CAMKMT: variants seen among roughly 807,000 people sequenced by gnomAD.
CAMKMT encodes CaM KMT.
A neutral mutation model predicts 48.0 loss-of-function variants in CAMKMT; 53 were observed. The ratio of observed to expected loss-of-function variants is 1.10; its 90% CI spans 0.89 to 1.39. The LOEUF is 1.39. Ranked by LOEUF, CAMKMT falls within the 40% of genes most tolerant of loss-of-function variation. The pLI, the probability that CAMKMT is intolerant of heterozygous loss-of-function variation, is 0.00. For missense variants in CAMKMT, 428 were observed against 402.7 expected (o/e 1.06, Z -0.54); for synonymous variants, 165 against 152.3 (o/e 1.08, Z -0.61).
At position 44,390,528 on chromosome 2, in the gene CAMKMT, T is replaced by G. The variant is rs533065957; in HGVS notation, c.376+223T>G. ...TCTAAACTTCGCAGGTGTGTGTGTG[T>G]GGGGGGGAGGTGGGGGAGGGAGAGA... On this transcript the variant is annotated intron_variant, in intron 3 of 10. Coordinates refer to ENST00000378494, the MANE Select transcript of CAMKMT (RefSeq NM_024766.5). Among the ~76,000 whole-genome samples, 502 of 78,852 alleles carry G rather than the reference T, an allele frequency of 6.4e-3. 1 individual carries two copies. The highest frequency in any genetic ancestry group is 7.3e-3 in the African/African-American group (146 of 19,992). The allele number at this position is 78,852 out of a possible 152,430, so 51.7% of individuals were successfully genotyped here.
intron 7 of CAMKMT, among the ~76,000 whole-genome samples, chr2:44,726,533 C>T (rs1156544709): frequency 6.6e-6 from 1 of 152,184 alleles, no homozygotes; most frequent in Non-Finnish European, 1.5e-5. Flanking sequence ...TTGTTGGATG[C>T]ATAGTTTACA....
rs141194690 is a variant in CAMKMT, at chr2:44,570,517, T to G, written c.377-133766T>G. Among the ~76,000 whole-genome samples the G allele has an allele frequency of 7.1e-3, 1,085 of 152,300 alleles. 15 individuals carry two copies. The highest frequency in any genetic ancestry group is 0.025 in the African/African-American group (1,024 of 41,574). Reference sequence around the variant, plus strand: ...TCTGAATCTTATCATAATAGAGATATCTGTTCATTTACATGGGGAAGAATT... The same window carrying G: ...TCTGAATCTTATCATAATAGAGATAGCTGTTCATTTACATGGGGAAGAATT... On this transcript the variant is annotated intron_variant, in intron 3 of 10. Transcript: ENST00000378494.
chr2:44,582,772 A>T (rs1361054608), intron 3 of CAMKMT, among the ~76,000 whole-genome samples: 3 of 152,216 alleles, frequency 2.0e-5, no homozygotes, highest in Admixed American at 6.5e-5. Flanking sequence ...TGAGATATTT[A>T]GTAGTTTCCC....
In CAMKMT at chr2:44,666,409, A is replaced by AC. The variant is rs576860246; in HGVS notation, c.377-37867dup. On this transcript the variant is annotated intron_variant, in intron 3 of 10. Transcript: ENST00000378494. Reference sequence around the variant, plus strand: ...TCACAGCTTGATGAAAAAGTCCAGGACCCCCCCGAGCCCTTTGGCCCCCAG... The same window carrying AC: ...TCACAGCTTGATGAAAAAGTCCAGGACCCCCCCCGAGCCCTTTGGCCCCCAG... 5.9e-5 allele frequency among the ~76,000 whole-genome samples: 9 copies of AC among 151,322 alleles called. No individual in the cohort carries two copies. The East Asian group carries it at 7.8e-4, about 13-fold the overall frequency.
intron 10 of CAMKMT, among the ~76,000 whole-genome samples, chr2:44,768,342 GATAT>G (rs35422115): frequency 1.7e-4 from 19 of 111,448 alleles, no homozygotes; most frequent in African/African-American, 6.6e-4. Context: ...GGGCGCCCAT[GATAT>G]ATATATATAT....
chr2:44,751,734 A>G (rs2104386282), intron 8 of CAMKMT, among the ~76,000 whole-genome samples: 1 of 152,312 alleles, frequency 6.6e-6, no homozygotes, highest in Non-Finnish European at 1.5e-5. Context: ...GCGCTGCTAC[A>G]AAGGTACACC....
chr2:44,495,625 T>C (rs191549129), intron 3 of CAMKMT, among the ~76,000 whole-genome samples: 1 of 152,302 alleles, frequency 6.6e-6, no homozygotes, highest in African/African-American at 2.4e-5. Flanking sequence ...ATACTGCCCT[T>C]TATTGTAGGC....
At chr2:44,631,455 A>C (rs1303265527) in intron 3 of CAMKMT, 1 of 595,798 alleles carries the variant, frequency 1.7e-6, no homozygotes, top group South Asian at 2.2e-5. Flanking sequence ...GAGTTTAAAT[A>C]AGAAAAAAAA....
intron 2 of CAMKMT, among the ~76,000 whole-genome samples, chr2:44,388,305 T>C (rs993742836): frequency 4.6e-5 from 7 of 152,210 alleles, no homozygotes; most frequent in African/African-American, 1.2e-4. Context: ...GTTGAGACTT[T>C]CCAGAGCATT....
chr2:44,555,499 G>T (rs1236315728), intron 3 of CAMKMT, among the ~76,000 whole-genome samples: 1 of 152,132 alleles, frequency 6.6e-6, no homozygotes, highest in Non-Finnish European at 1.5e-5. Flanking sequence ...AGTGGAGCCT[G>T]TGGGACAGTT....
In CAMKMT at chr2:44,577,154, G is replaced by A. The variant is rs1669268140; in HGVS notation, c.377-127129G>A. Among the ~76,000 whole-genome samples, 3 of 152,166 alleles carry A rather than the reference G, an allele frequency of 2.0e-5. No individual in the cohort carries two copies. In the South Asian group the frequency reaches 6.2e-4, roughly 32 times the overall value. On this transcript the variant is annotated intron_variant, in intron 3 of 10. Coordinates refer to ENST00000378494, the MANE Select transcript of CAMKMT (RefSeq NM_024766.5). ...AATTCCCAGATGCTTTTAAAATACA[G>A]GTGGGTTATAAAGACAAAGGTGATG...
chr2:44,451,560 G>T (rs996727934), intron 3 of CAMKMT, among the ~76,000 whole-genome samples: 16 of 151,896 alleles, frequency 1.1e-4, no homozygotes, highest in African/African-American at 3.9e-4. Context: ...TTTAAAAAAT[G>T]CAGATGATCA....
chr2:44,385,473 C>A (rs990260913), intron 2 of CAMKMT, among the ~76,000 whole-genome samples: 1 of 152,058 alleles, frequency 6.6e-6, no homozygotes, highest in Admixed American at 6.6e-5. Context: ...TTCTTTCTTT[C>A]TCTTGTGATT....
intron 3 of CAMKMT, among the ~76,000 whole-genome samples, chr2:44,667,564 A>T (rs1675067605): frequency 6.6e-6 from 1 of 152,138 alleles, no homozygotes; most frequent in South Asian, 2.1e-4. Context: ...TTATTCTCAA[A>T]GTCTTCAACA....
intron 3 of CAMKMT, among the ~76,000 whole-genome samples, chr2:44,682,394 A>C (rs1312457158): frequency 6.6e-6 from 1 of 152,150 alleles, no homozygotes; most frequent in African/African-American, 2.4e-5. Context: ...TTCATTGAAG[A>C]GAGATTTTAG....
chr2:44,601,614 A>G (rs1026588300), intron 3 of CAMKMT, among the ~76,000 whole-genome samples: 3 of 152,048 alleles, frequency 2.0e-5, no homozygotes, highest in African/African-American at 4.8e-5. Flanking sequence ...TCTCACATGT[A>G]GTGACTTTTG....
At chr2:44,771,675 G>A (rs1389761767) in intron 10 of CAMKMT, among the ~76,000 whole-genome samples, 1 of 152,122 alleles carries the variant, frequency 6.6e-6, no homozygotes, top group African/African-American at 2.4e-5. Context: ...GTGTGGCATT[G>A]GTCAGAGGCA....
At chr2:44,381,154 C>T (rs1050953060) in intron 2 of CAMKMT, among the ~76,000 whole-genome samples, 1 of 152,038 alleles carries the variant, frequency 6.6e-6, no homozygotes, top group Admixed American at 6.6e-5. Context: ...TGCAAGACTC[C>T]ATCTCAAAAA....
intron 3 of CAMKMT, among the ~76,000 whole-genome samples, chr2:44,406,112 A>C (rs916726341): frequency 2.6e-5 from 4 of 152,186 alleles, no homozygotes; most frequent in African/African-American, 4.8e-5. Flanking sequence ...TTAGACAAAA[A>C]GAAATGTATT....
Sources: gnomAD v4.1 joint callset for allele counts (sites outside exome capture counted in the v4.1 genomes callset) on GRCh38, gnomAD v4.1.1 for gene constraint, MANE v1.5 for transcripts, NCBI Gene and HGNC (gene_info 2026-07-23, HGNC 2026-07-21) for gene names.